Variants in RANBP2 observed in about 807,000 individuals in gnomAD.
RANBP2 encodes the protein RAN binding protein 2, also known as E3 SUMO-protein ligase RanBP2.
A neutral mutation model predicts 303.6 loss-of-function variants in RANBP2; 57 were observed. That is an observed-to-expected ratio of 0.19 (90% CI 0.15 to 0.23). The LOEUF is 0.23. Ranked by LOEUF, RANBP2 falls within the 10% of genes least tolerant of loss-of-function variation. The pLI is 1.00. For synonymous variants in RANBP2, 1,167 were observed against 1,301.5 expected, an observed-to-expected ratio of 0.90 and a Z score of 2.23; for missense variants, 3,138 against 3,780.8, an observed-to-expected ratio of 0.83 and a Z score of 4.46.
the RANBP2 span, among the ~76,000 whole-genome samples, chr2:109,030,223 C>T: frequency 6.6e-6 from 1 of 152,220 alleles, no homozygotes; most frequent in Non-Finnish European, 1.5e-5. Flanking sequence ...CCTGCACAGC[C>T]AGCTGGCTCA....
At chr2:108,934,733 A>ACTCC in the RANBP2 span, among the ~76,000 whole-genome samples, 1 of 152,016 alleles carries the variant, frequency 6.6e-6, no homozygotes, top group Non-Finnish European at 1.5e-5. Flanking sequence ...TAACGAACCC[A>ACTCC]CTCCCGCGAT....
the RANBP2 span, among the ~76,000 whole-genome samples, chr2:109,030,525 A>T: frequency 6.6e-6 from 1 of 152,164 alleles, no homozygotes; most frequent in Admixed American, 6.5e-5. Flanking sequence ...TGAATGAAAG[A>T]ATGGGCCTCA....
chr2:108,868,084 A>T, the RANBP2 span, among the ~76,000 whole-genome samples: 1 of 152,364 alleles, frequency 6.6e-6, no homozygotes, highest in South Asian at 2.1e-4. Context: ...ATTACCAAAG[A>T]GTGTGCTAAC....
the RANBP2 span, among the ~76,000 whole-genome samples, chr2:109,073,051 T>G: frequency 6.6e-6 from 1 of 151,984 alleles, no homozygotes; most frequent in Non-Finnish European, 1.5e-5. Flanking sequence ...AAATATGCCA[T>G]AAATAAAAGA....
chr2:109,095,200 A>C, the RANBP2 span, among the ~76,000 whole-genome samples: 2 of 152,204 alleles, frequency 1.3e-5, no homozygotes, highest in African/African-American at 4.8e-5. Context: ...GTCAGACCTT[A>C]TCTTCACTTC....
intron 23 of RANBP2, among the ~76,000 whole-genome samples, chr2:108,773,899 G>A (rs1356678838): frequency 6.6e-6 from 1 of 152,080 alleles, no homozygotes; most frequent in African/African-American, 2.4e-5. Flanking sequence ...CACCCACCTT[G>A]GCCTCCCAAA....
the RANBP2 span, chr2:108,896,694 G>T: frequency 3.4e-6 from 2 of 590,020 alleles, no homozygotes; most frequent in African/African-American, 3.7e-5. Flanking sequence ...TGAGGTACAG[G>T]CGAGCATCTG....
the RANBP2 span, among the ~76,000 whole-genome samples, chr2:109,116,631 C>T: frequency 1.2e-4 from 19 of 152,354 alleles, no homozygotes; most frequent in Admixed American, 6.5e-4. Context: ...TCTCTCAACT[C>T]GTCAAAGTCA....
At chr2:109,614,803 C>T in the RANBP2 span, 24 of 1,466,408 alleles carry the variant, frequency 1.6e-5, no homozygotes, top group Admixed American at 2.5e-5. Flanking sequence ...GAGCCCGAGG[C>T]CCCCGACGGC....
the RANBP2 span, among the ~76,000 whole-genome samples, chr2:108,942,157 C>T: frequency 2.6e-5 from 4 of 152,236 alleles, no homozygotes; most frequent in South Asian, 2.1e-4. Context: ...GCCTATCCAG[C>T]GCCAGACGTG....
chr2:109,595,201 A>G, the RANBP2 span, among the ~76,000 whole-genome samples: 2 of 152,132 alleles, frequency 1.3e-5, no homozygotes, highest in Non-Finnish European at 2.9e-5. Flanking sequence ...GTGTTTTCAA[A>G]TCCTAAGTTT....
the RANBP2 span, among the ~76,000 whole-genome samples, chr2:109,235,837 A>G: frequency 6.6e-6 from 1 of 152,182 alleles, no homozygotes; most frequent in Non-Finnish European, 1.5e-5. Context: ...CTCCTCTCCT[A>G]CATGCTTGAC....
At chr2:109,071,825 G>A in the RANBP2 span, among the ~76,000 whole-genome samples, 1 of 152,124 alleles carries the variant, frequency 6.6e-6, no homozygotes, top group Non-Finnish European at 1.5e-5. Context: ...AAATAACTGA[G>A]GAAGAGAGCT....
At chr2:109,604,650 C>T in the RANBP2 span, among the ~76,000 whole-genome samples, 5 of 147,572 alleles carry the variant, frequency 3.4e-5, no homozygotes, top group Non-Finnish European at 6.0e-5. Flanking sequence ...TGGCATGAAC[C>T]GGGGAGGCGG....
chr2:108,755,920 C>T (rs989041879), intron 17 of RANBP2, among the ~76,000 whole-genome samples: 1 of 152,080 alleles, frequency 6.6e-6, no homozygotes, highest in African/African-American at 2.4e-5. Context: ...CACAGAGTTT[C>T]ACCATGTTGG....
At chr2:109,570,702 T>C in the RANBP2 span, among the ~76,000 whole-genome samples, 1 of 151,754 alleles carries the variant, frequency 6.6e-6, no homozygotes, top group East Asian at 1.9e-4. Context: ...TTTTGTATTT[T>C]TAGTAGAGAT....
the RANBP2 span, among the ~76,000 whole-genome samples, chr2:109,591,723 C>T: frequency 1.3e-5 from 2 of 151,972 alleles, no homozygotes; most frequent in South Asian, 2.1e-4. Context: ...ACGAGCAAAA[C>T]CCCGTCTCTA....
the RANBP2 span, among the ~76,000 whole-genome samples, chr2:109,344,695 G>A: frequency 6.6e-6 from 1 of 152,194 alleles, no homozygotes; most frequent in Non-Finnish European, 1.5e-5. Context: ...ACAGCCCTCT[G>A]GGTGAAAGCT....
chr2:109,615,271 C>G, the RANBP2 span: 1 of 1,578,334 alleles, frequency 6.3e-7, no homozygotes, highest in Non-Finnish European at 8.6e-7. Flanking sequence ...GGCGGAGGCT[C>G]CGTGACGCTG....
Sources: allele counts gnomAD v4.1 joint callset (sites outside exome capture counted in the v4.1 genomes callset), GRCh38; gene constraint gnomAD v4.1.1; transcripts MANE v1.5; gene names NCBI Gene and HGNC (gene_info 2026-07-23, HGNC 2026-07-21).